Variants in CCDC14 observed in about 807,000 individuals in gnomAD.
CCDC14 encodes coiled-coil domain containing 14, also known as coiled-coil domain-containing protein 14.
A neutral mutation model predicts 81.4 loss-of-function variants in CCDC14; 71 were observed. The ratio of observed to expected loss-of-function variants is 0.87; its 90% confidence interval spans 0.72 to 1.06. CCDC14 has a LOEUF of 1.06. Among genes scored for constraint, CCDC14 ranks in the 50% least tolerant of loss-of-function variants. The probability of loss-of-function intolerance (pLI) is 0.00; values close to 1 mark genes in which losing one functional copy is unlikely to be tolerated. For missense variants in CCDC14, 1,046 were observed against 1,047.3 expected (o/e 1.00, Z 0.02); for synonymous variants, 332 against 364.8 (o/e 0.91, Z 1.03).
At chr3:123,898,172 A>G (rs1217660638) in intron 5 of CCDC14, among the ~76,000 whole-genome samples, 1 of 152,226 alleles carries the variant, frequency 6.6e-6, no homozygotes, top group Non-Finnish European at 1.5e-5. Flanking sequence ...TGCACAAGTG[A>G]CTTAATTTCT....
chr3:123,944,185 C>A (rs1282737132), intron 9 of CCDC14, among the ~76,000 whole-genome samples: 1 of 152,098 alleles, frequency 6.6e-6, no homozygotes, highest in African/African-American at 2.4e-5. Flanking sequence ...GGGGAGAAAT[C>A]CCTACACATT....
chr3:123,887,094 AAC>A, the CCDC14 span, among the ~76,000 whole-genome samples: 3 of 152,202 alleles, frequency 2.0e-5, no homozygotes, highest in South Asian at 2.1e-4. Flanking sequence ...GATTCTTGAA[AAC>A]AGTTTTTTTT....
intron 9 of CCDC14, among the ~76,000 whole-genome samples, chr3:123,943,405 C>A (rs2036464154): frequency 6.6e-6 from 1 of 152,014 alleles, no homozygotes; most frequent in Non-Finnish European, 1.5e-5. Context: ...TCTTGCCATC[C>A]TTTCACCTGC....
At chr3:123,937,233 A>G (rs2036104357) in intron 9 of CCDC14, among the ~76,000 whole-genome samples, 1 of 152,020 alleles carries the variant, frequency 6.6e-6, no homozygotes, top group Non-Finnish European at 1.5e-5. Context: ...TATGTTAGAT[A>G]TATGTTTAAT....
At position 123,915,560 on chromosome 3, in the gene CCDC14, A is replaced by G; in HGVS notation, c.1937T>C (p.Leu646Pro). 6.2e-7 allele frequency: 1 copy of G among 1,614,042 alleles called. No individual in the cohort carries two copies. ...ACTGTAATTTGTTTCTAACTTATTT[A>G]GATAGCTCATTATGGAAGTGTGAGC... ...APAHTSIMSY[L>P]NKLETNYSFT... Residue 646 changes from leucine to proline, a missense_variant, in exon 13 of 13, where the codon CTA (leucine) becomes CCA (proline). Coordinates refer to ENST00000409697, the MANE Select transcript of CCDC14 (RefSeq NM_001366335.1).
chr3:123,894,457 A>G (rs991046621), downstream of CCDC14, among the ~76,000 whole-genome samples: 1 of 152,126 alleles, frequency 6.6e-6, no homozygotes, highest in Non-Finnish European at 1.5e-5. Context: ...GAGGTTCCAT[A>G]TGGGTTTTAG....
At chr3:123,945,035 G>A in intron 8 of CCDC14, 45 bp from the exon 9 acceptor site, 1 of 1,405,556 alleles carries the variant, frequency 7.1e-7, no homozygotes, top group Non-Finnish European at 9.7e-7. Flanking sequence ...TTATATTTTT[G>A]GACAAGATTA....
chr3:123,911,059 C>T (rs1192645680), downstream of CCDC14, among the ~76,000 whole-genome samples: 1 of 152,170 alleles, frequency 6.6e-6, no homozygotes, highest in Non-Finnish European at 1.5e-5. Flanking sequence ...AAAGGCCGTC[C>T]AGGTAAAAGG....
chr3:123,949,799 T>C (rs1284962928), intron 5 of CCDC14, among the ~76,000 whole-genome samples: 1 of 152,220 alleles, frequency 6.6e-6, no homozygotes, highest in African/African-American at 2.4e-5. Flanking sequence ...TCTTCTTCCA[T>C]GAAGCCTTTT....
Position 123,914,699 on chromosome 3 carries a change from T to C in CCDC14, c.*80A>G. 6.9e-7 allele frequency: 1 copy of C among 1,446,710 alleles called. No homozygotes were observed. The highest frequency in any genetic ancestry group is 9.1e-7 in the Non-Finnish European group (1 of 1,100,378). 89.6% of individuals were successfully genotyped at this position (1,446,710 alleles called of 1,614,324 possible). ...TCACACATAATAACATAAAACATCATTTCACTAAAGAAAAATACACATTCA... is the reference window on the plus strand; with the variant it reads ...TCACACATAATAACATAAAACATCACTTCACTAAAGAAAAATACACATTCA... On this transcript the variant is annotated 3_prime_UTR_variant, in exon 13 of 13. Transcript: ENST00000409697.
At chr3:123,938,113 T>G (rs1483460524) in intron 9 of CCDC14, among the ~76,000 whole-genome samples, 1 of 151,966 alleles carries the variant, frequency 6.6e-6, no homozygotes, top group African/African-American at 2.4e-5. Context: ...TTGGGTACTT[T>G]AGAGTCTTCA....
chr3:123,896,134 G>T (rs540808429), downstream of CCDC14, among the ~76,000 whole-genome samples: 1 of 152,194 alleles, frequency 6.6e-6, no homozygotes, highest in African/African-American at 2.4e-5. Flanking sequence ...TGAGAGATGC[G>T]GTCTTTAAGA....
the CCDC14 span, among the ~76,000 whole-genome samples, chr3:123,886,595 A>C: frequency 6.6e-6 from 1 of 152,060 alleles, no homozygotes; most frequent in African/African-American, 2.4e-5. Flanking sequence ...ACGGGGTTTC[A>C]TCATGTTGGC....
rs1559809268 is a variant in CCDC14, at chr3:123,956,383, T to C, written c.131A>G (p.Tyr44Cys). 3 of 1,548,120 alleles carry C rather than the reference T, an allele frequency of 1.9e-6. No homozygotes were observed. The change falls in exon 3 of 13, where the codon TAT becomes TGT. Residue 44 changes from tyrosine to cysteine, a missense_variant. Transcript: ENST00000409697. ...KIPRFNADSG[Y>C]SIHSDSESQA... ...ACTTTCTGAATCAGAATGGATGGAA[T>C]AGCCAGAATCTGCATTAAAACGTGG...
At chr3:123,932,052 C>T (rs917105875) in intron 10 of CCDC14, among the ~76,000 whole-genome samples, 7 of 152,052 alleles carry the variant, frequency 4.6e-5, no homozygotes, top group Admixed American at 2.0e-4. Flanking sequence ...TTTTTCATGG[C>T]GATAAAAGTA....
At chr3:123,892,682 C>A (rs1268877900), downstream of CCDC14, among the ~76,000 whole-genome samples, 1 of 150,612 alleles carries the variant, frequency 6.6e-6, no homozygotes, top group Non-Finnish European at 1.5e-5. Flanking sequence ...CAGCCCCCTC[C>A]TCCAATTCGA....
At chr3:123,917,342 A>G (rs1284876670) in intron 12 of CCDC14, among the ~76,000 whole-genome samples, 1 of 151,536 alleles carries the variant, frequency 6.6e-6, no homozygotes, top group African/African-American at 2.4e-5. Flanking sequence ...AAAAAATACA[A>G]AAATTAGCTG....
chr3:123,911,367 G>A (rs1031181834), downstream of CCDC14, among the ~76,000 whole-genome samples: 2 of 152,120 alleles, frequency 1.3e-5, no homozygotes, highest in African/African-American at 4.8e-5. Flanking sequence ...TATAGTCTTA[G>A]AACCCACATG....
At chr3:123,924,847 G>A (rs1361886041) in intron 12 of CCDC14, among the ~76,000 whole-genome samples, 4 of 151,758 alleles carry the variant, frequency 2.6e-5, no homozygotes, top group Admixed American at 2.6e-4. Context: ...CAGTATGGAA[G>A]CTCCTCAAAA....
Sources: gnomAD v4.1 joint callset for allele counts (sites outside exome capture counted in the v4.1 genomes callset) on GRCh38, gnomAD v4.1.1 for gene constraint, MANE v1.5 for transcripts, NCBI Gene and HGNC (gene_info 2026-07-23, HGNC 2026-07-21) for gene names.